Variants in PIP5KL1 observed in about 807,000 individuals in gnomAD.
The protein encoded by PIP5KL1 is phosphatidylinositol-4-phosphate 5-kinase like 1.
A neutral mutation model predicts 47.6 loss-of-function variants in PIP5KL1; 45 were observed. That is an observed-to-expected ratio of 0.94 (90% CI 0.74 to 1.21). The LOEUF is 1.21. Among genes scored for constraint, PIP5KL1 ranks in the 50% most tolerant of loss-of-function variants. The probability of loss-of-function intolerance (pLI) is 0.00; values close to 1 mark genes in which losing one functional copy is unlikely to be tolerated. For synonymous variants in PIP5KL1, 256 were observed against 234.6 expected (o/e 1.09, Z -0.84); for missense variants, 577 against 547.6 (o/e 1.05, Z -0.54).
intron 1 of PIP5KL1, among the ~76,000 whole-genome samples, 186 bp from the exon 2 acceptor site, chr9:127,930,071 C>CA (rs1831416018): frequency 6.6e-6 from 1 of 152,168 alleles, no homozygotes; most frequent in Non-Finnish European, 1.5e-5. Context: ...ACGCAGTCAG[C>CA]ACCCGAATAG....
chr9:127,925,547 C>T, intron 8 of PIP5KL1: 1 of 472,484 alleles, frequency 2.1e-6, no homozygotes, highest in South Asian at 2.1e-5. Context: ...CTCACTGCAA[C>T]CTCTGCCGCC....
Position 127,927,637 on chromosome 9 carries a change from C to A in PIP5KL1, c.559+11G>T, listed in dbSNP as rs1401342657. On this transcript the variant is annotated intron_variant, in intron 5 of 9. Coordinates refer to ENST00000388747, the MANE Select transcript of PIP5KL1 (RefSeq NM_001135219.2). This position sits in a 1 kb window ranked among gnomAD's most constrained non-coding sequence, Gnocchi z 5.5. ...ACCCGCCCCCACCGAGCCCCGCCCCCAGCCAAGTACCCAGCAACCGCGCCA... is the reference window on the plus strand; with the variant it reads ...ACCCGCCCCCACCGAGCCCCGCCCCAAGCCAAGTACCCAGCAACCGCGCCA... The A allele has an allele frequency of 6.5e-7, 1 of 1,530,848 alleles. No individual in the cohort carries two copies. The highest frequency in any genetic ancestry group is 8.7e-7 in the Non-Finnish European group (1 of 1,144,578). 94.8% of individuals were successfully genotyped at this position (1,530,848 alleles called of 1,614,324 possible).
At position 127,930,732 on chromosome 9, in the gene PIP5KL1, C is replaced by T. The variant is rs755198922; in HGVS notation, c.21G>A (p.Gly7=). The change falls in exon 1 of 10, where the codon GGG becomes GGA. Residue 7 remains glycine, a synonymous_variant. Transcript: ENST00000388747. The part of the protein sequence containing the change: MAAPSP[G]PREVLAPSPE... ...TCGGGTCCGCACCTACCTCGCGGGG[C>T]CCCGGGCTCGGCGCAGCCATCGCCC... 4 of 1,568,666 alleles carry T rather than the reference C, an allele frequency of 2.5e-6. No homozygotes were observed. Among genetic ancestry groups the T allele is most frequent in the South Asian group, 1.2e-5 (1 of 84,716 alleles).
At position 127,925,244 on chromosome 9, in the gene PIP5KL1, C is replaced by T; in HGVS notation, c.780G>A (p.Trp260Ter). Residue 260 changes from tryptophan (W) to a stop codon, truncating the protein, a stop_gained, in exon 9 of 10, where the codon TGG (tryptophan) becomes TGA (stop). Coordinates refer to ENST00000388747, the MANE Select transcript of PIP5KL1 (RefSeq NM_001135219.2). LOFTEE classifies it high-confidence loss of function. Reference protein sequence around the residue: ...KTINLGPQRSWFLRQMELDTT... With the variant: ...KTINLGPQRS ...TATCCAGTTCCATCTGGCGGAGGAA[C>T]CAGCTCCGCTGGGGCCCTGCCGGAG... 2 of 1,613,258 alleles carry T rather than the reference C, an allele frequency of 1.2e-6. No homozygotes were observed. Among genetic ancestry groups the T allele is most frequent in the Admixed American group, 1.7e-5 (1 of 60,028 alleles).
rs1831373432 is a variant in PIP5KL1 at position 127,927,135 on chromosome 9, C to A, written c.650+18G>T. 1.9e-6 allele frequency: 3 copies of A among 1,596,652 alleles called. No individual in the cohort carries two copies. The highest frequency in any genetic ancestry group is 2.7e-5 in the African/African-American group (2 of 74,572). ...GTTTCGGCTGGGATGGGGGCCCAAA[C>A]CTGCTTAGGCCACTCACCTCTCGGA... On this transcript the variant is annotated intron_variant, in intron 7 of 9. Transcript: ENST00000388747. This position sits in a 1 kb window ranked among gnomAD's most constrained non-coding sequence, Gnocchi z 5.5.
chr9:127,927,218 G>A lies in PIP5KL1; in HGVS notation c.595-10C>T, dbSNP rs750908459. 3.7e-6 allele frequency: 6 copies of A among 1,612,810 alleles called. No individual in the cohort carries two copies. Among genetic ancestry groups the A allele is most frequent in the Admixed American group, 1.7e-5 (1 of 59,910 alleles). On this transcript the variant is annotated splice_polypyrimidine_tract_variant and intron_variant, in intron 6 of 9. Coordinates refer to ENST00000388747, the MANE Select transcript of PIP5KL1 (RefSeq NM_001135219.2). The surrounding 1 kb of genome is among the most constrained non-coding windows in gnomAD (Gnocchi z 5.5). ...TGACGATGAAGTACGTCTGGGGGCCGGGACAGGGAGTGAGGGAGGCCGGCT... is the reference window on the plus strand; with the variant it reads ...TGACGATGAAGTACGTCTGGGGGCCAGGACAGGGAGTGAGGGAGGCCGGCT...
intron 8 of PIP5KL1, 69 bp downstream of exon 8, chr9:127,925,798 G>T: frequency 7.6e-7 from 1 of 1,322,754 alleles, no homozygotes; most frequent in Non-Finnish European, 1.1e-6. Context: ...GCAGAGGGCA[G>T]CAGGGACACC....
intron 9 of PIP5KL1, among the ~76,000 whole-genome samples, 181 bp downstream of exon 9, chr9:127,924,926 G>A (rs201218469): frequency 6.6e-6 from 1 of 151,146 alleles, no homozygotes; most frequent in African/African-American, 2.4e-5. Flanking sequence ...GCACACACAC[G>A]CATGCATGCA....
chr9:127,929,718 G>A lies in PIP5KL1; in HGVS notation c.198C>T (p.Ala66=). 2 of 1,584,000 alleles carry A rather than the reference G, an allele frequency of 1.3e-6. No individual in the cohort carries two copies. The highest frequency in any genetic ancestry group is 1.3e-5 in the African/African-American group (1 of 74,410). Residue 66 remains alanine, a synonymous_variant, in exon 2 of 10, where the codon GCC becomes GCT. Transcript: ENST00000388747. This position sits in a 1 kb window ranked among gnomAD's most constrained non-coding sequence, Gnocchi z 4.0. ...TCMMQAGLWA[A]TQVSMDHPPT... ...GTGGGTGGTCCATGGAGACCTGGGT[G>A]GCAGCCCACAGCCCTGCCTGCATCA...
At chr9:127,924,818 C>A (rs1831335966) in intron 9 of PIP5KL1, among the ~76,000 whole-genome samples, 1 of 152,132 alleles carries the variant, frequency 6.6e-6, no homozygotes, top group Non-Finnish European at 1.5e-5. Context: ...TCCCCTGCTG[C>A]AGTCCACCTG....
At chr9:127,925,823 C>T (rs755166552) in intron 8 of PIP5KL1, 44 bp downstream of exon 8, 2 of 1,505,556 alleles carry the variant, frequency 1.3e-6, no homozygotes, top group Non-Finnish European at 1.8e-6. Flanking sequence ...TAAACTTCAC[C>T]CTGAATGAAG....
intron 9 of PIP5KL1, among the ~76,000 whole-genome samples, chr9:127,923,673 T>C (rs896669400): frequency 1.3e-5 from 2 of 152,180 alleles, no homozygotes; most frequent in East Asian, 3.8e-4. Context: ...AAGTTCTTCC[T>C]CTGAGGGGTA....
In PIP5KL1 at chr9:127,927,555, C is replaced by G; in HGVS notation, c.559+93G>C. The stretch of plus-strand genomic sequence containing the variant: ...CCCCCATGCCCTACAACCCCAAATC[C>G]GCCCATTTGGGCCCCGCCCACATAC... On this transcript the variant is annotated intron_variant, in intron 5 of 9. Transcript: ENST00000388747. This position sits in a 1 kb window ranked among gnomAD's most constrained non-coding sequence, Gnocchi z 5.5. 7.5e-7 allele frequency: 1 copy of G among 1,327,724 alleles called. No individual in the cohort carries two copies. The highest frequency in any genetic ancestry group is 1.4e-5 in the South Asian group (1 of 69,312). The allele number at this position is 1,327,724 out of a possible 1,614,324, so 82.2% of individuals were successfully genotyped here.
Position 127,921,845 on chromosome 9 carries a change from C to T in PIP5KL1, c.*2G>A. On this transcript the variant is annotated 3_prime_UTR_variant, in exon 10 of 10. Transcript: ENST00000388747. ...GATCCGGAGAGTGGGGCCGGGCGCC[C>T]GTCACTCCGTGTGCGCCTCCACCCA... The T allele has an allele frequency of 6.4e-7, 1 of 1,569,608 alleles. No individual in the cohort carries two copies. Among genetic ancestry groups the T allele is most frequent in the Admixed American group, 1.8e-5 (1 of 55,676 alleles).
In PIP5KL1 at chr9:127,929,846, T is replaced by A; in HGVS notation, c.70A>T (p.Thr24Ser). The A allele has an allele frequency of 6.5e-7, 1 of 1,544,772 alleles. No individual in the cohort carries two copies. Among genetic ancestry groups the A allele is most frequent in the Middle Eastern group, 1.7e-4 (1 of 5,772 alleles). ...PSPEAGCRAVTSSRRGLLWRL... is the reference protein window; with the variant it reads ...PSPEAGCRAVSSSRRGLLWRL... ...CAGAGAAGCCCCCGCCGGCTGGAGGTGACTGCTCTGCATCCAGCCTCAGGG... is the reference window on the plus strand; with the variant it reads ...CAGAGAAGCCCCCGCCGGCTGGAGGAGACTGCTCTGCATCCAGCCTCAGGG... The change falls in exon 2 of 10, where the codon ACC becomes TCC. Residue 24 changes from threonine (T) to serine (S), a missense_variant. By Grantham distance (58) the Thr-to-Ser change is moderately conservative. Coordinates refer to ENST00000388747, the MANE Select transcript of PIP5KL1 (RefSeq NM_001135219.2). The surrounding 1 kb of genome is among the most constrained non-coding windows in gnomAD (Gnocchi z 4.0).
intron 8 of PIP5KL1, 82 bp from the exon 9 acceptor site, chr9:127,925,342 T>C: frequency 6.7e-7 from 1 of 1,486,832 alleles, no homozygotes; most frequent in Non-Finnish European, 9.1e-7. Flanking sequence ...CGTGACAGCA[T>C]GTGGCATTAC....
intron 9 of PIP5KL1, among the ~76,000 whole-genome samples, chr9:127,922,694 CAAA>C (rs386416269): frequency 6.7e-5 from 6 of 89,580 alleles, no homozygotes; most frequent in Admixed American, 1.4e-4. Flanking sequence ...GACTCTGTCT[CAAA>C]AAAAAAAAAA....
chr9:127,922,066 G>T lies in PIP5KL1; in HGVS notation c.966C>A (p.Arg322=), dbSNP rs1009922835. 1 of 1,561,846 alleles carries T rather than the reference G, an allele frequency of 6.4e-7. No individual in the cohort carries two copies. Among genetic ancestry groups the T allele is most frequent in the Admixed American group, 1.9e-5 (1 of 53,938 alleles). Residue 322 remains arginine (R), a synonymous_variant, in exon 10 of 10, where the codon CGC becomes CGA. Transcript: ENST00000388747. ...CGTTGGGGGCGTCGGGCAGCAGCCG[G>T]CGGTTTTGGGCTCTCGACTCTTCCG... The part of the protein sequence containing the change: ...QSPEESRAQN[R]RLLPDAPNAL...
chr9:127,925,960 C>A lies in PIP5KL1; in HGVS notation c.670G>T (p.Glu224Ter). Residue 224 changes from glutamate (E) to a stop codon, truncating the protein, a stop_gained, in exon 8 of 10, where the codon GAG (glutamate) becomes TAG (stop). Coordinates refer to ENST00000388747, the MANE Select transcript of PIP5KL1 (RefSeq NM_001135219.2). LOFTEE classifies it high-confidence loss of function. ...GCGGGATCCACCCAGCGGCTCACCT[C>A]GCAGCCTTTGATGTCATACCTGGGT... The part of the protein sequence containing the change: ...ISERYDIKGC[E>*]VSRWVDPAPE... The A allele has an allele frequency of 6.2e-7, 1 of 1,613,556 alleles. No homozygotes were observed. The highest frequency in any genetic ancestry group is 1.3e-5 in the African/African-American group (1 of 75,052).
Sources: allele counts gnomAD v4.1 joint callset (sites outside exome capture counted in the v4.1 genomes callset), GRCh38; gene constraint gnomAD v4.1.1; non-coding constraint Gnocchi (gnomAD v3.1); transcripts MANE v1.5; gene names NCBI Gene and HGNC (gene_info 2026-07-23, HGNC 2026-07-21).